Variants in COL21A1 observed in about 807,000 individuals in gnomAD.
COL21A1 encodes the protein collagen type XXI alpha 1 chain.
Under a neutral mutation model 137.9 loss-of-function variants are expected in COL21A1, and 149 were observed. That is an observed-to-expected ratio of 1.08 (90% CI 0.95 to 1.24). COL21A1 has a LOEUF of 1.24. COL21A1 is among the 50% of genes most tolerant of loss of function. The pLI is 0.00. For missense variants in COL21A1, 1,167 were observed against 1,158.4 expected (o/e 1.01, Z -0.11); for synonymous variants, 456 against 391.5 (o/e 1.16, Z -1.95).
At chr6:56,384,866 G>A (rs768712928) in intron 1 of COL21A1, among the ~76,000 whole-genome samples, 7 of 152,178 alleles carry the variant, frequency 4.6e-5, no homozygotes, top group Non-Finnish European at 1.0e-4. Context: ...GGAGGATGTG[G>A]TATAGGTCCT....
chr6:56,320,133 C>T (rs1368720161), intron 1 of COL21A1, among the ~76,000 whole-genome samples: 1 of 152,074 alleles, frequency 6.6e-6, no homozygotes, highest in Non-Finnish European at 1.5e-5. Context: ...TTATGTCTCA[C>T]ATAATCTTAT....
intron 1 of COL21A1, among the ~76,000 whole-genome samples, chr6:56,256,779 A>G (rs371234365): frequency 3.9e-5 from 6 of 152,206 alleles, no homozygotes; most frequent in South Asian, 4.1e-4. Context: ...GCAGTCCCAC[A>G]TGTGAGTGAA....
At chr6:56,270,614 C>A (rs1763502903) in intron 1 of COL21A1, among the ~76,000 whole-genome samples, 1 of 152,212 alleles carries the variant, frequency 6.6e-6, no homozygotes, top group African/African-American at 2.4e-5. Flanking sequence ...ACAGAATATA[C>A]AAGAAACATC....
chr6:56,156,582 A>G (rs1775760002), intron 10 of COL21A1, among the ~76,000 whole-genome samples: 1 of 152,144 alleles, frequency 6.6e-6, no homozygotes, highest in African/African-American at 2.4e-5. Flanking sequence ...ATGAGCACCA[A>G]TTAGTAAAGG....
intron 1 of COL21A1, among the ~76,000 whole-genome samples, chr6:56,347,811 A>G (rs1765628927): frequency 1.3e-5 from 2 of 152,214 alleles, no homozygotes; most frequent in Non-Finnish European, 2.9e-5. Context: ...AACCAAAACC[A>G]AAAAATAACT....
At chr6:56,227,745 C>A (rs918737679) in intron 1 of COL21A1, among the ~76,000 whole-genome samples, 2 of 152,054 alleles carry the variant, frequency 1.3e-5, no homozygotes, top group African/African-American at 4.8e-5. Flanking sequence ...TAGTGATAGC[C>A]TCAGCAAGTA....
At chr6:56,242,649 T>C (rs2152325764) in intron 1 of COL21A1, among the ~76,000 whole-genome samples, 1 of 152,298 alleles carries the variant, frequency 6.6e-6, no homozygotes, top group East Asian at 1.9e-4. Context: ...AAGATTTATC[T>C]GAGTATTTCA....
Position 56,112,173 on chromosome 6 carries a change from T to C in COL21A1, c.1759-10648A>G, listed in dbSNP as rs1052916697. Among the ~76,000 whole-genome samples the C allele has an allele frequency of 2.6e-5, 4 of 152,256 alleles. No homozygotes were observed. The East Asian group carries it at 7.7e-4, about 29-fold the overall frequency. On this transcript the variant is annotated intron_variant, in intron 16 of 29. Transcript: ENST00000244728. ...TTCATATTTGGCAAAAGTTCTAATGTAATTCAAAGGGAAATGAAAGTCTTC... is the reference window on the plus strand; with the variant it reads ...TTCATATTTGGCAAAAGTTCTAATGCAATTCAAAGGGAAATGAAAGTCTTC...
chr6:56,134,004 G>C (rs1773782351), intron 12 of COL21A1, among the ~76,000 whole-genome samples: 1 of 152,204 alleles, frequency 6.6e-6, no homozygotes, highest in South Asian at 2.1e-4. Flanking sequence ...TGTGGGGTTG[G>C]AGCCCCCAGA....
intron 1 of COL21A1, among the ~76,000 whole-genome samples, chr6:56,333,017 A>G (rs770732030): frequency 1.3e-5 from 2 of 151,992 alleles, no homozygotes; most frequent in Non-Finnish European, 2.9e-5. Flanking sequence ...CATTAAATCT[A>G]TTAACCTTTT....
rs190006574 is a variant in COL21A1 at position 56,134,672 on chromosome 6, A to C, written c.1542+7113T>G. 3.6e-3 allele frequency among the ~76,000 whole-genome samples: 551 copies of C among 152,352 alleles called. 6 individuals carry two copies. Among genetic ancestry groups the C allele is most frequent in the African/African-American group, 0.013 (524 of 41,596 alleles). Reference sequence around the variant, plus strand: ...TAATTCCCACTTGTGGGAGGAACCCAACGGGAGGCAATTGAATCATGGGGT... The same window carrying C: ...TAATTCCCACTTGTGGGAGGAACCCCACGGGAGGCAATTGAATCATGGGGT... On this transcript the variant is annotated intron_variant, in intron 12 of 29. Transcript: ENST00000244728.
At chr6:56,256,768 C>T (rs767845718) in intron 1 of COL21A1, among the ~76,000 whole-genome samples, 4 of 152,008 alleles carry the variant, frequency 2.6e-5, no homozygotes, top group South Asian at 4.1e-4. Flanking sequence ...CTATACTCTT[C>T]GCAGTCCCAC....
At chr6:56,253,000 A>T (rs925025204) in intron 1 of COL21A1, among the ~76,000 whole-genome samples, 1 of 152,208 alleles carries the variant, frequency 6.6e-6, no homozygotes, top group African/African-American at 2.4e-5. Flanking sequence ...GCTGTATTCT[A>T]TCTAAGCAGA....
At chr6:56,153,378 T>A (rs1300670609) in intron 10 of COL21A1, among the ~76,000 whole-genome samples, 1 of 152,194 alleles carries the variant, frequency 6.6e-6, no homozygotes, top group East Asian at 1.9e-4. Context: ...CCAACCTGCC[T>A]ATGGATTTTC....
chr6:56,183,486 C>A (rs1778048504), intron 1 of COL21A1, among the ~76,000 whole-genome samples: 1 of 152,162 alleles, frequency 6.6e-6, no homozygotes, highest in Non-Finnish European at 1.5e-5. Context: ...GGAGTCTCTG[C>A]CACGCAACAA....
chr6:56,241,885 T>C (rs1172491002), intron 1 of COL21A1, among the ~76,000 whole-genome samples: 1 of 152,184 alleles, frequency 6.6e-6, no homozygotes, highest in Non-Finnish European at 1.5e-5. Context: ...TTTTCAATAA[T>C]GAATTGAAGG....
At position 56,060,914 on chromosome 6, in the gene COL21A1, G is replaced by A. The variant is rs191110368; in HGVS notation, c.2329C>T (p.Pro777Ser). Residue 777 changes from proline to serine, a missense_variant, in exon 26 of 30, where the codon CCC becomes TCC. By Grantham distance (74) the Pro-to-Ser change is moderately conservative (BLOSUM62 -1). Transcript: ENST00000244728. ...ACGGGCTTCCCATCCAAACCTGGGG[G>A]TCCCTGAGGACCTGGATCCCCAGGT... ...GQPGDPGPQGPPGLDGKPGRE... is the reference protein window; with the variant it reads ...GQPGDPGPQGSPGLDGKPGRE... 6.3e-7 allele frequency: 1 copy of A among 1,576,892 alleles called. No homozygotes were observed. Among genetic ancestry groups the A allele is most frequent in the Non-Finnish European group, 8.6e-7 (1 of 1,167,428 alleles).
intron 1 of COL21A1, among the ~76,000 whole-genome samples, chr6:56,294,597 T>C (rs1008126059): frequency 1.1e-4 from 16 of 152,114 alleles, no homozygotes; most frequent in Admixed American, 5.2e-4. Context: ...CGATAGCCCA[T>C]AATTTACATT....
intron 12 of COL21A1, among the ~76,000 whole-genome samples, chr6:56,137,939 C>T (rs1352968588): frequency 1.3e-5 from 2 of 152,158 alleles, no homozygotes; most frequent in Non-Finnish European, 2.9e-5. Flanking sequence ...AAGTCAGCAC[C>T]ATGTGTACAG....
Sources: gnomAD v4.1 joint callset for allele counts (sites outside exome capture counted in the v4.1 genomes callset) on GRCh38, gnomAD v4.1.1 for gene constraint, MANE v1.5 for transcripts, NCBI Gene and HGNC (gene_info 2026-07-23, HGNC 2026-07-21) for gene names.